TSPAN18: variants seen among roughly 807,000 people sequenced by gnomAD.
TSPAN18 encodes tetraspanin-18.
A neutral mutation model predicts 27.3 loss-of-function variants in TSPAN18; 14 were observed. The ratio of observed to expected loss-of-function variants is 0.51; its 90% CI spans 0.34 to 0.80. The LOEUF (loss-of-function observed/expected upper bound fraction) is 0.80. Among genes scored for constraint, TSPAN18 ranks in the 30% least tolerant of loss-of-function variants. The pLI is 0.01. For synonymous variants in TSPAN18, 143 were observed against 136.5 expected (o/e 1.05, Z -0.33); for missense variants, 268 against 323.9 (o/e 0.83, Z 1.32).
intron 1 of TSPAN18, among the ~76,000 whole-genome samples, chr11:44,754,104 C>T (rs860685): frequency 0.98 from 149,903 of 152,304 alleles, 73,813 homozygotes; most frequent in East Asian, 1. Flanking sequence ...GTTCCATGTG[C>T]TGGGAAAAGC....
chr11:44,839,725 C>A (rs835781), intron 2 of TSPAN18, among the ~76,000 whole-genome samples: 1 of 151,966 alleles, frequency 6.6e-6, no homozygotes, highest in East Asian at 1.9e-4. Context: ...AGCATGCAAG[C>A]GGGGAGGGAG....
intron 2 of TSPAN18, among the ~76,000 whole-genome samples, chr11:44,820,399 T>C (rs116261603): frequency 0.012 from 1,901 of 152,312 alleles, 39 homozygotes; most frequent in African/African-American, 0.043. Context: ...CAGTCATCTG[T>C]GGCAAGTGGA....
chr11:44,777,508 G>T (rs1257294907), intron 2 of TSPAN18, among the ~76,000 whole-genome samples: 1 of 152,236 alleles, frequency 6.6e-6, no homozygotes, highest in Non-Finnish European at 1.5e-5. Context: ...GGATGGGGAG[G>T]TTGCAGCTAA....
intron 2 of TSPAN18, among the ~76,000 whole-genome samples, chr11:44,835,186 C>T (rs867943053): frequency 6.6e-5 from 10 of 152,296 alleles, no homozygotes; most frequent in African/African-American, 9.6e-5. Context: ...AAAAGGGGGC[C>T]GTGGGGAGGG....
rs1323214799 is a variant in TSPAN18 at position 44,929,254 on chromosome 11, C to T, written c.*76C>T. 25 of 1,583,440 alleles carry T rather than the reference C, an allele frequency of 1.6e-5. No homozygotes were observed. The highest frequency in any genetic ancestry group is 5.4e-5 in the African/African-American group (4 of 74,320). Reference sequence around the variant, plus strand: ...CCCAGTGTCCTCCCGTGCCCCTCCCCGCTGTCCTCTTGGCCCCAGGGGAGA... The same window carrying T: ...CCCAGTGTCCTCCCGTGCCCCTCCCTGCTGTCCTCTTGGCCCCAGGGGAGA... On this transcript the variant is annotated 3_prime_UTR_variant, in exon 10 of 10. Transcript: ENST00000520358.
chr11:44,789,694 G>T (rs888367719), intron 2 of TSPAN18, among the ~76,000 whole-genome samples: 1 of 152,130 alleles, frequency 6.6e-6, no homozygotes, highest in Non-Finnish European at 1.5e-5. Flanking sequence ...CAGAATGATG[G>T]TATTCGTGGA....
intron 2 of TSPAN18, among the ~76,000 whole-genome samples, chr11:44,811,125 A>AACAC (rs61153202): frequency 0.042 from 5,955 of 142,382 alleles, 144 homozygotes; most frequent in African/African-American, 0.058. Context: ...CTGGAGTTTT[A>AACAC]ACACACACAC....
At chr11:44,927,335 T>C (rs1346135290) in intron 9 of TSPAN18, among the ~76,000 whole-genome samples, 3 of 152,194 alleles carry the variant, frequency 2.0e-5, no homozygotes, top group Non-Finnish European at 2.9e-5. Flanking sequence ...ATCTCCATCA[T>C]CTGGGATCTC....
intron 8 of TSPAN18, among the ~76,000 whole-genome samples, chr11:44,922,992 C>T (rs1860200758): frequency 6.6e-6 from 1 of 152,118 alleles, no homozygotes; most frequent in Admixed American, 6.5e-5. Context: ...GCCTATAATC[C>T]CAGCTACTTG....
intron 1 of TSPAN18, among the ~76,000 whole-genome samples, chr11:44,754,281 G>T (rs1252192433): frequency 1.3e-5 from 2 of 152,224 alleles, no homozygotes; most frequent in African/African-American, 4.8e-5. Context: ...AATAGCCCCA[G>T]TTGCGGCCTT....
chr11:44,844,780 T>A (rs1202577388), intron 2 of TSPAN18, among the ~76,000 whole-genome samples: 1 of 152,198 alleles, frequency 6.6e-6, no homozygotes, highest in Non-Finnish European at 1.5e-5. Context: ...CAGTCTGTGT[T>A]TTGCTTTCTT....
At chr11:44,736,949 A>T (rs1854810329) in intron 1 of TSPAN18, among the ~76,000 whole-genome samples, 1 of 152,214 alleles carries the variant, frequency 6.6e-6, no homozygotes, top group African/African-American at 2.4e-5. Context: ...TTTATTTGTC[A>T]TCTGTTTTCC....
intron 3 of TSPAN18, chr11:44,885,847 G>A (rs1405615059): frequency 6.6e-6 from 1 of 152,218 alleles, no homozygotes. Context: ...AAGGGGTTGT[G>A]GCCGCCCCTA....
chr11:44,798,160 C>G (rs1856393872), intron 2 of TSPAN18, among the ~76,000 whole-genome samples: 1 of 152,206 alleles, frequency 6.6e-6, no homozygotes, highest in Admixed American at 6.5e-5. Flanking sequence ...CCCGTGCCCT[C>G]CCACACTCAG....
intron 2 of TSPAN18, among the ~76,000 whole-genome samples, chr11:44,790,548 G>C (rs991369672): frequency 1.3e-5 from 2 of 150,486 alleles, no homozygotes; most frequent in African/African-American, 4.9e-5. Flanking sequence ...GTGCATGTTT[G>C]TGTGTGCATG....
At chr11:44,792,299 C>T (rs1856244808) in intron 2 of TSPAN18, among the ~76,000 whole-genome samples, 1 of 152,188 alleles carries the variant, frequency 6.6e-6, no homozygotes, top group Admixed American at 6.5e-5. Flanking sequence ...GAGGGAACAG[C>T]TTGGAGCATC....
chr11:44,749,632 CTTT>C (rs71894571), intron 1 of TSPAN18, among the ~76,000 whole-genome samples: 6 of 110,432 alleles, frequency 5.4e-5, no homozygotes, highest in Admixed American at 8.7e-5. Context: ...GTGGAACTTT[CTTT>C]TTTTTTTTTT....
chr11:44,762,408 C>T (rs1474906029), intron 1 of TSPAN18, among the ~76,000 whole-genome samples: 1 of 152,128 alleles, frequency 6.6e-6, no homozygotes, highest in East Asian at 1.9e-4. Flanking sequence ...CATGTGTGCT[C>T]ACATAGGTAC....
chr11:44,889,148 A>G (rs546105321), intron 3 of TSPAN18, among the ~76,000 whole-genome samples: 23 of 152,216 alleles, frequency 1.5e-4, no homozygotes, highest in Non-Finnish European at 2.9e-4. Context: ...GTATTTCTTT[A>G]TAGCAGTGTG....
Sources: allele counts gnomAD v4.1 joint callset (sites outside exome capture counted in the v4.1 genomes callset), GRCh38; gene constraint gnomAD v4.1.1; transcripts MANE v1.5; gene names NCBI Gene and HGNC (gene_info 2026-07-23, HGNC 2026-07-21).